The following SCFD1 variants were observed in gnomAD, a reference collection of about 807,000 sequenced individuals.
The protein encoded by SCFD1 is sec1 family domain-containing protein 1.
SCFD1 carries 37 observed loss-of-function variants against 103.2 expected under a neutral mutation model. That is an observed-to-expected ratio of 0.36 (90% CI 0.28 to 0.47). The LOEUF (loss-of-function observed/expected upper bound fraction) is 0.47, where lower values mean the gene tolerates loss of function less well. Ranked by LOEUF, SCFD1 falls within the 20% of genes least tolerant of loss-of-function variation. The pLI, the probability that SCFD1 is intolerant of heterozygous loss-of-function variation, is 1.00. For synonymous variants in SCFD1, 264 were observed against 245.0 expected (o/e 1.08, Z -0.73); for missense variants, 639 against 761.2 (o/e 0.84, Z 1.89).
At chr14:30,642,199 TGCCTCA>T (rs1885349594) in intron 6 of SCFD1, among the ~76,000 whole-genome samples, 1 of 152,168 alleles carries the variant, frequency 6.6e-6, no homozygotes, top group Admixed American at 6.5e-5. Context: ...GCAATCCTCC[TGCCTCA>T]GCCTCCCAAG....
intron 10 of SCFD1, among the ~76,000 whole-genome samples, chr14:30,655,108 T>C (rs1299418649): frequency 6.6e-6 from 1 of 152,090 alleles, no homozygotes; most frequent in Non-Finnish European, 1.5e-5. Context: ...AAAATAAAAC[T>C]TGCAGCATTT....
chr14:30,639,648 A>G (rs1885070298), intron 5 of SCFD1, 129 bp from the exon 6 acceptor site: 1 of 981,488 alleles, frequency 1.0e-6, no homozygotes, highest in South Asian at 2.0e-5. Context: ...ACACAGTACA[A>G]TTTTTAGTTA....
rs527369130 is a variant in SCFD1, at chr14:30,696,676, T to G, written c.1339+1807T>G. On this transcript the variant is annotated intron_variant, in intron 15 of 24. Transcript: ENST00000458591. ...CACATGTGGGAGTAGTCTAGCAAGGTGTGTGAGAACCATAACAGATTGAGG... is the reference window on the plus strand; with the variant it reads ...CACATGTGGGAGTAGTCTAGCAAGGGGTGTGAGAACCATAACAGATTGAGG... Among the ~76,000 whole-genome samples, 3 of 152,070 alleles carry G rather than the reference T, an allele frequency of 2.0e-5. No homozygotes were observed. The South Asian group carries it at 6.2e-4, about 31-fold the overall frequency.
rs1376396807 is a variant in SCFD1 at position 30,655,073 on chromosome 14, C to A, written c.855+1485C>A. 2.0e-5 allele frequency among the ~76,000 whole-genome samples: 3 copies of A among 152,110 alleles called. 1 individual carries two copies. The highest frequency in any genetic ancestry group is 2.9e-5 in the Non-Finnish European group (2 of 68,032). ...TTCCTGTCTTTCTAGAGCTTACATTCTAGTAGGGGAAACAGGCAATAAAGA... is the reference window on the plus strand; with the variant it reads ...TTCCTGTCTTTCTAGAGCTTACATTATAGTAGGGGAAACAGGCAATAAAGA... On this transcript the variant is annotated intron_variant, in intron 10 of 24. Transcript: ENST00000458591.
chr14:30,674,322 A>C (rs1888826791), intron 13 of SCFD1, among the ~76,000 whole-genome samples: 1 of 152,150 alleles, frequency 6.6e-6, no homozygotes. Flanking sequence ...AAAGTTAAAC[A>C]GTTTTTTCTG....
intron 7 of SCFD1, among the ~76,000 whole-genome samples, chr14:30,644,934 A>G (rs1885659134): frequency 2.6e-5 from 4 of 152,046 alleles, no homozygotes. Flanking sequence ...AATGTTGTCT[A>G]GGTTTTCTTC....
chr14:30,727,836 C>T (rs1893159598), intron 23 of SCFD1, among the ~76,000 whole-genome samples: 1 of 151,990 alleles, frequency 6.6e-6, no homozygotes, highest in African/African-American at 2.4e-5. Flanking sequence ...TTCCCAGTCA[C>T]ATGATGTTGA....
At chr14:30,681,250 G>T (rs772860996) in intron 14 of SCFD1, among the ~76,000 whole-genome samples, 26 of 149,306 alleles carry the variant, frequency 1.7e-4, no homozygotes, top group Non-Finnish European at 2.8e-4. Flanking sequence ...TCAACATACT[G>T]GTTGAATAAA....
chr14:30,634,056 T>A lies in SCFD1; in HGVS notation c.312+19T>A. On this transcript the variant is annotated intron_variant, in intron 4 of 24. Coordinates refer to ENST00000458591, the MANE Select transcript of SCFD1 (RefSeq NM_016106.4). ...GTGCCAGGTAATATGGGTTCTTATTTTCTGGACTCCTGAATTTGGAAATGG... is the reference window on the plus strand; with the variant it reads ...GTGCCAGGTAATATGGGTTCTTATTATCTGGACTCCTGAATTTGGAAATGG... 1.4e-6 allele frequency: 2 copies of A among 1,396,142 alleles called. No homozygotes were observed. Among genetic ancestry groups the A allele is most frequent in the South Asian group, 1.3e-5 (1 of 77,524 alleles). The allele number at this position is 1,396,142 out of a possible 1,614,324, so 86.5% of individuals were successfully genotyped here.
In SCFD1 at chr14:30,705,849, C is replaced by T. The variant is rs770160410; in HGVS notation, c.1517C>T (p.Pro506Leu). The change falls in exon 18 of 25, where the codon CCG becomes CTG. Residue 506 changes from proline (P) to leucine (L), a missense_variant. Pro to Leu is a moderately conservative substitution (Grantham distance 98). Coordinates refer to ENST00000458591, the MANE Select transcript of SCFD1 (RefSeq NM_016106.4). The stretch of plus-strand genomic sequence containing the variant: ...GCTTTTACCAAGATGGCCTCAGCTC[C>T]GGCCAGCTATGGCAGCACTACCACT... ...WKAFTKMASAPASYGSTTTKP... is the reference protein window; with the variant it reads ...WKAFTKMASALASYGSTTTKP... 13 of 1,613,482 alleles carry T rather than the reference C, an allele frequency of 8.1e-6. No individual in the cohort carries two copies. Among genetic ancestry groups the T allele is most frequent in the Admixed American group, 3.3e-5 (2 of 59,958 alleles).
chr14:30,726,945 T>G (rs1893084264), intron 23 of SCFD1, among the ~76,000 whole-genome samples: 1 of 152,208 alleles, frequency 6.6e-6, no homozygotes, highest in African/African-American at 2.4e-5. Flanking sequence ...TTTTTATTGC[T>G]TGAATATAGT....
intron 23 of SCFD1, among the ~76,000 whole-genome samples, chr14:30,731,194 TGTTCCACTG>T (rs1320950338): frequency 2.6e-5 from 4 of 152,220 alleles, no homozygotes; most frequent in Non-Finnish European, 2.9e-5. Context: ...GGCTCTGTTC[TGTTCCACTG>T]GTCTATATCT....
At chr14:30,622,422 T>C in intron 1 of SCFD1, 23 bp downstream of exon 1, 2 of 1,550,746 alleles carry the variant, frequency 1.3e-6, no homozygotes, top group South Asian at 2.4e-5. Context: ...TCTCTTCTCC[T>C]TGAAGCTTCG....
At chr14:30,683,506 C>A in intron 14 of SCFD1, 1 of 318,580 alleles carries the variant, frequency 3.1e-6, no homozygotes, top group South Asian at 2.8e-5. Context: ...TTGTTTTGCC[C>A]ATGGGACCCC....
chr14:30,670,917 A>C (rs982700892), intron 11 of SCFD1, among the ~76,000 whole-genome samples: 7 of 152,100 alleles, frequency 4.6e-5, no homozygotes, highest in African/African-American at 1.7e-4. Context: ...ATGTGATGCT[A>C]TGCCCCCTTA....
intron 6 of SCFD1, among the ~76,000 whole-genome samples, chr14:30,641,189 CA>C (rs960458000): frequency 6.6e-6 from 1 of 152,078 alleles, no homozygotes; most frequent in Non-Finnish European, 1.5e-5. Context: ...TCAAATGGTA[CA>C]ATGCTTTAAA....
intron 2 of SCFD1, 91 bp from the exon 3 acceptor site, chr14:30,630,386 T>G: frequency 1.3e-6 from 1 of 764,656 alleles, no homozygotes; most frequent in South Asian, 1.5e-5. Context: ...ATATATGATG[T>G]ATTAAAATAA....
At chr14:30,700,159 T>C (rs752416132) in intron 15 of SCFD1, 29 bp from the exon 16 acceptor site, 1 of 1,504,336 alleles carries the variant, frequency 6.6e-7, no homozygotes, top group African/African-American at 1.4e-5. Flanking sequence ...ATTATGAAAA[T>C]ATTTTTTAAC....
Position 30,680,308 on chromosome 14 carries a change from T to C in SCFD1, c.1242+5243T>C, listed in dbSNP as rs1889369978. Among the ~76,000 whole-genome samples, 3 of 152,306 alleles carry C rather than the reference T, an allele frequency of 2.0e-5. No homozygotes were observed. The South Asian group carries it at 6.2e-4, about 32-fold the overall frequency. On this transcript the variant is annotated intron_variant, in intron 14 of 24. Transcript: ENST00000458591. ...GCCAGGGTTCCCCAGAGAACAGAAC[T>C]AATCCTTGGCTGAAAATACAAACAT...
Sources: gnomAD v4.1 joint callset for allele counts (sites outside exome capture counted in the v4.1 genomes callset) on GRCh38, gnomAD v4.1.1 for gene constraint, MANE v1.5 for transcripts, NCBI Gene and HGNC (gene_info 2026-07-23, HGNC 2026-07-21) for gene names.